Variants in ANO7 observed in about 807,000 individuals in gnomAD.
ANO7 encodes the protein anoctamin-7.
In ANO7, 114 loss-of-function variants were observed where a neutral mutation model predicts 115.8. The observed-to-expected ratio is 0.98, with a 90% CI of 0.85 to 1.15. The LOEUF is 1.15. ANO7 is among the 50% of genes most tolerant of loss of function. The probability of loss-of-function intolerance (pLI) is 0.00; values close to 1 mark genes in which losing one functional copy is unlikely to be tolerated. For synonymous variants in ANO7, 550 were observed against 498.2 expected (o/e 1.10, Z -1.38); for missense variants, 1,302 against 1,201.2 (o/e 1.08, Z -1.24).
downstream of ANO7, chr2:241,228,609 A>G (rs968388307): frequency 6.6e-6 from 1 of 152,422 alleles, no homozygotes; most frequent in Non-Finnish European, 1.5e-5. Flanking sequence ...CGGGAAACCC[A>G]TAACCACCAG....
At chr2:241,226,069 G>C (rs1300221007), downstream of ANO7, among the ~76,000 whole-genome samples, 1 of 152,078 alleles carries the variant, frequency 6.6e-6, no homozygotes, top group Non-Finnish European at 1.5e-5. Context: ...GTGGGTAAAA[G>C]GCAAGTTCCA....
chr2:241,226,429 A>AT (rs560568437), downstream of ANO7, among the ~76,000 whole-genome samples: 3,475 of 143,266 alleles, frequency 0.024, 51 homozygotes, highest in Middle Eastern at 0.05. Context: ...CATGTTCGGC[A>AT]TTTTTTTTTT....
chr2:241,230,642 C>T, downstream of ANO7: 1 of 877,700 alleles, frequency 1.1e-6, no homozygotes, highest in Non-Finnish European at 1.8e-6. The surrounding 1 kb of genome is among the most constrained non-coding windows in gnomAD (Gnocchi z 5.0). Flanking sequence ...CACTGCCAGC[C>T]CTGGGGTTGT....
In ANO7 at chr2:241,210,553, A is replaced by G. The variant is rs999689625; in HGVS notation, c.1544A>G (p.His515Arg). 60 of 1,613,546 alleles carry G rather than the reference A, an allele frequency of 3.7e-5. No homozygotes were observed. The highest frequency in any genetic ancestry group is 5.1e-5 in the Non-Finnish European group (60 of 1,179,954). The change falls in exon 15 of 25, where the codon CAC (histidine) becomes CGC (arginine). Residue 515 changes from histidine to arginine, a missense_variant. His to Arg is a conservative substitution (Grantham distance 29). Coordinates refer to ENST00000674324, the MANE Select transcript of ANO7 (RefSeq NM_001370694.2). ...ILSKIYVSLA[H>R]VLTRWEMHRT... is the part of the protein sequence containing the mutation. ...TCCAAGATCTATGTATCCCTGGCCC[A>G]CGTCCTGACACGATGGGGTGAGTGG... is the stretch of plus-strand genomic sequence containing the variant.
Position 241,213,805 on chromosome 2 carries a change from T to C in ANO7, c.1729-1000T>C, listed in dbSNP as rs115367419. Among the ~76,000 whole-genome samples, 1,033 of 152,314 alleles carry C rather than the reference T, an allele frequency of 6.8e-3. 12 individuals are homozygous for C. Among genetic ancestry groups the C allele is most frequent in the African/African-American group, 0.023 (967 of 41,552 alleles). On this transcript the variant is annotated intron_variant, in intron 17 of 24. Transcript: ENST00000674324. ...GAGGAGAGAAACTTCGCATGGGGTC[T>C]GGGCCATGAGCCAGCCCAACTGCAA...
At chr2:241,226,030 C>T (rs944612991), downstream of ANO7, among the ~76,000 whole-genome samples, 4 of 151,798 alleles carry the variant, frequency 2.6e-5, no homozygotes, top group African/African-American at 9.7e-5. Flanking sequence ...ATACAGGCTT[C>T]CAGGTGAACA....
chr2:241,233,637 T>G, the ANO7 span, among the ~76,000 whole-genome samples: 4 of 151,954 alleles, frequency 2.6e-5, no homozygotes, highest in Admixed American at 2.6e-4. This position sits in a 1 kb window ranked among gnomAD's most constrained non-coding sequence, Gnocchi z 4.3. Flanking sequence ...GCCAGAGACC[T>G]CACCCATCTG....
chr2:241,216,352 T>C (rs1292592037), intron 19 of ANO7, 114 bp downstream of exon 19: 20 of 1,326,080 alleles, frequency 1.5e-5, no homozygotes, highest in Non-Finnish European at 1.9e-5. Context: ...TGCCCTGAAA[T>C]GTGCTGTGGG....
Position 241,212,608 on chromosome 2 carries a change from T to C in ANO7, c.1710T>C (p.Phe570=), listed in dbSNP as rs2068741615. The change falls in exon 17 of 25, where the codon TTT becomes TTC. Residue 570 remains phenylalanine, a synonymous_variant. Transcript: ENST00000674324. ...VGYPGNYHTL[F]GVRNEECAAG... is the part of the protein sequence containing the mutation. ...ACCCAGGCAACTACCACACCTTGTT[T>C]GGAGTCCGCAATGAGGAGGTGAGTG... 4.3e-6 allele frequency: 7 copies of C among 1,613,236 alleles called. No individual in the cohort carries two copies. Among genetic ancestry groups the C allele is most frequent in the Non-Finnish European group, 5.9e-6 (7 of 1,179,718 alleles).
At chr2:241,239,106 GA>G in the ANO7 span, among the ~76,000 whole-genome samples, 40 of 152,234 alleles carry the variant, frequency 2.6e-4, no homozygotes, top group African/African-American at 9.4e-4. This position sits in a 1 kb window ranked among gnomAD's most constrained non-coding sequence, Gnocchi z 4.6. Flanking sequence ...GATTATTAGG[GA>G]AAGGGAATCC....
At chr2:241,235,686 A>G in the ANO7 span, 2 of 830,784 alleles carry the variant, frequency 2.4e-6, no homozygotes, top group Admixed American at 4.0e-5. Flanking sequence ...ACACAAGGCA[A>G]ACAGCCCTAT....
downstream of ANO7, chr2:241,230,300 G>A (rs1421782760): frequency 3.8e-6 from 5 of 1,305,696 alleles, no homozygotes; most frequent in African/African-American, 1.5e-5. The surrounding 1 kb of genome is among the most constrained non-coding windows in gnomAD (Gnocchi z 5.0). Context: ...CAGATGAGGG[G>A]ACTCCAAGCG....
At chr2:241,234,849 G>A in the ANO7 span, among the ~76,000 whole-genome samples, 10 of 152,190 alleles carry the variant, frequency 6.6e-5, no homozygotes. Flanking sequence ...TAGGTCTGAG[G>A]TACCACTCTG....
intron 19 of ANO7, among the ~76,000 whole-genome samples, chr2:241,217,287 C>T (rs2149252831): frequency 6.6e-6 from 1 of 152,358 alleles, no homozygotes; most frequent in East Asian, 1.9e-4. Context: ...CCCCAATGAT[C>T]TCACTAGTAA....
chr2:241,218,382 G>A lies in ANO7; in HGVS notation c.2321+1G>A. On this transcript the variant is annotated splice_donor_variant, in intron 21 of 24. Transcript: ENST00000674324. LOFTEE classifies it high-confidence loss of function. ...CCGCCGCGCACAACCGCACGTGCAG[G>A]TGAGCCCCGCGCCAGGTGGAGGGGG... is the stretch of plus-strand genomic sequence containing the variant. 3.5e-6 allele frequency: 5 copies of A among 1,413,294 alleles called. No homozygotes were observed. The highest frequency in any genetic ancestry group is 3.7e-6 in the Non-Finnish European group (4 of 1,080,646). 87.5% of individuals were successfully genotyped at this position (1,413,294 alleles called of 1,614,324 possible).
At position 241,223,942 on chromosome 2, in the gene ANO7, C is replaced by T. The variant is rs755744726; in HGVS notation, c.2570C>T (p.Pro857Leu). The change falls in exon 24 of 25, where the codon CCC (proline) becomes CTC (leucine). Residue 857 changes from proline to leucine, a missense_variant. Physicochemically the swap from Pro to Leu is moderately conservative, Grantham distance 98. Coordinates refer to ENST00000674324, the MANE Select transcript of ANO7 (RefSeq NM_001370694.2). Reference protein sequence around the residue: ...FGTNGTKDEQPEGSELSSHWT... With the variant: ...FGTNGTKDEQLEGSELSSHWT... ...ACGAACGGAACAAAGGATGAGCAGC[C>T]CGAGGGCTCAGAGGCAAGTCTGGGA... 4.3e-6 allele frequency: 7 copies of T among 1,609,290 alleles called. No individual in the cohort carries two copies. Among genetic ancestry groups the T allele is most frequent in the Non-Finnish European group, 5.9e-6 (7 of 1,180,004 alleles).
chr2:241,235,524 C>T, the ANO7 span: 1 of 1,614,162 alleles, frequency 6.2e-7, no homozygotes. Flanking sequence ...GATCCCACTT[C>T]CTTTCTGCCC....
chr2:241,235,420 G>A, the ANO7 span: 3 of 1,459,524 alleles, frequency 2.1e-6, no homozygotes, highest in Admixed American at 5.1e-5. Flanking sequence ...AGTTGAGAAA[G>A]GACACTGGCA....
intron 3 of ANO7, among the ~76,000 whole-genome samples, chr2:241,194,071 C>T (rs1004016745): frequency 6.6e-6 from 1 of 151,908 alleles, no homozygotes; most frequent in Non-Finnish European, 1.5e-5. Context: ...GACAGGGTTT[C>T]GCCATGTTGG....
Sources: gnomAD v4.1 joint callset for allele counts (sites outside exome capture counted in the v4.1 genomes callset) on GRCh38, gnomAD v4.1.1 for gene constraint, Gnocchi (gnomAD v3.1) non-coding constraint, MANE v1.5 for transcripts, NCBI Gene and HGNC (gene_info 2026-07-23, HGNC 2026-07-21) for gene names.